The following AKAP6 variants were observed in gnomAD, a reference collection of about 807,000 sequenced individuals.
AKAP6 encodes A-kinase anchoring protein 6, also known as A-kinase anchor protein 6.
AKAP6 carries 58 observed loss-of-function variants against 188.5 expected under a neutral mutation model. That is an observed-to-expected ratio of 0.31 (90% CI 0.25 to 0.38). The LOEUF is 0.38. Among genes scored for constraint, AKAP6 ranks in the 10% least tolerant of loss-of-function variants. AKAP6 has a pLI of 1.00. For missense variants in AKAP6, 2,710 were observed against 2,740.0 expected, an observed-to-expected ratio of 0.99 and a Z score of 0.24; for synonymous variants, 989 against 998.6, an observed-to-expected ratio of 0.99 and a Z score of 0.18.
At chr14:32,632,422 T>C (rs750366716) in intron 7 of AKAP6, among the ~76,000 whole-genome samples, 1 of 152,092 alleles carries the variant, frequency 6.6e-6, no homozygotes, top group Non-Finnish European at 1.5e-5. Context: ...TTTTGTGTCA[T>C]GGGAGAACTT....
intron 2 of AKAP6, among the ~76,000 whole-genome samples, chr14:32,451,303 TC>T (rs1168186969): frequency 6.6e-6 from 1 of 152,190 alleles, no homozygotes; most frequent in African/African-American, 2.4e-5. Context: ...TAATTTATTA[TC>T]CTTTTTTAAA....
In AKAP6 at chr14:32,615,433, C is replaced by G. The variant is rs185669698; in HGVS notation, c.2730+14641C>G. On this transcript the variant is annotated intron_variant, in intron 7 of 13. Coordinates refer to ENST00000280979, the MANE Select transcript of AKAP6 (RefSeq NM_004274.5). ...CTTCTTTTTTTTTTTTAACCTTCCT[C>G]TAGTTGGAGCTGAAATTTTCTGTTA... 4.7e-3 allele frequency among the ~76,000 whole-genome samples: 705 copies of G among 149,474 alleles called. 12 individuals carry two copies. Among genetic ancestry groups the G allele is most frequent in the Admixed American group, 0.041 (617 of 14,950 alleles).
intron 2 of AKAP6, among the ~76,000 whole-genome samples, chr14:32,486,530 A>G (rs533545112): frequency 3.0e-4 from 46 of 152,280 alleles, no homozygotes; most frequent in African/African-American, 1.1e-3. Context: ...GAGATCCTTC[A>G]CATCCCTTGT....
Position 32,547,019 on chromosome 14 carries a change from A to C in AKAP6, c.2346+20A>C. The C allele has an allele frequency of 3.2e-6, 5 of 1,567,362 alleles. No individual in the cohort carries two copies. The highest frequency in any genetic ancestry group is 4.3e-6 in the Non-Finnish European group (5 of 1,164,802). On this transcript the variant is annotated intron_variant, in intron 4 of 13. Transcript: ENST00000280979. Reference sequence around the variant, plus strand: ...ATAGAGGTAAGGTGGTTTTCTTAACATGAATGATTTCTCACTTGAGTTTTG... The same window carrying C: ...ATAGAGGTAAGGTGGTTTTCTTAACCTGAATGATTTCTCACTTGAGTTTTG...
At chr14:32,776,134 G>T (rs2033053537) in intron 12 of AKAP6, among the ~76,000 whole-genome samples, 1 of 152,198 alleles carries the variant, frequency 6.6e-6, no homozygotes, top group Non-Finnish European at 1.5e-5. Flanking sequence ...GTTATCATAT[G>T]TCCCCACTCC....
chr14:32,442,056 G>A (rs539730526), intron 2 of AKAP6, among the ~76,000 whole-genome samples: 4 of 152,286 alleles, frequency 2.6e-5, no homozygotes, highest in Non-Finnish European at 4.4e-5. Flanking sequence ...CCAGAGGTAG[G>A]ATATGAGTTA....
chr14:32,741,541 C>T lies in AKAP6; in HGVS notation c.3372+5659C>T, dbSNP rs372357697. 1.1e-4 allele frequency among the ~76,000 whole-genome samples: 17 copies of T among 151,856 alleles called. No individual in the cohort carries two copies. In the South Asian group the frequency reaches 3.5e-3, roughly 32 times the overall value. On this transcript the variant is annotated intron_variant, in intron 11 of 13. Coordinates refer to ENST00000280979, the MANE Select transcript of AKAP6 (RefSeq NM_004274.5). The stretch of plus-strand genomic sequence containing the variant: ...TATGTTGAGATATGTTCCATCCATC[C>T]CCATTTTTTTTTTAGGATTTTTACC...
intron 2 of AKAP6, among the ~76,000 whole-genome samples, chr14:32,515,854 GC>G (rs1881495142): frequency 6.6e-6 from 1 of 152,174 alleles, no homozygotes; most frequent in Admixed American, 6.5e-5. Flanking sequence ...ACTCTGTGAA[GC>G]AAAATAGACA....
chr14:32,800,918 G>A (rs1159429142), intron 12 of AKAP6, among the ~76,000 whole-genome samples: 1 of 152,162 alleles, frequency 6.6e-6, no homozygotes, highest in Non-Finnish European at 1.5e-5. Flanking sequence ...TCAAGAGACA[G>A]AGGTGAGAGG....
chr14:32,691,564 A>G (rs1378929946), intron 8 of AKAP6, among the ~76,000 whole-genome samples: 1 of 151,916 alleles, frequency 6.6e-6, no homozygotes, highest in Admixed American at 6.6e-5. Flanking sequence ...CTGATTTGCC[A>G]CTGTTTTTTT....
chr14:32,774,249 T>C (rs1023723107), intron 12 of AKAP6, among the ~76,000 whole-genome samples: 4 of 152,220 alleles, frequency 2.6e-5, no homozygotes, highest in Non-Finnish European at 5.9e-5. Flanking sequence ...TCATTAATCA[T>C]ACAATAACCC....
chr14:32,349,226 G>C (rs1887176868), intron 1 of AKAP6, among the ~76,000 whole-genome samples: 1 of 152,188 alleles, frequency 6.6e-6, no homozygotes. Flanking sequence ...ATTCAAAACT[G>C]AACTCTGTAG....
At position 32,696,012 on chromosome 14, in the gene AKAP6, T is replaced by C. The variant is rs1272595833; in HGVS notation, c.2902T>C (p.Tyr968His). The change falls in exon 9 of 14, where the codon TAT (tyrosine) becomes CAT (histidine). Residue 968 changes from tyrosine (Y) to histidine (H), a missense_variant. Transcript: ENST00000280979. ...SNGLLDFDSE[Y>H]QELWDWLIDM... Reference sequence around the variant, plus strand: ...CAGGCTTCTGGACTTTGATTCAGAATATCAGGAGCTCTGGGATTGGCTGAT... The same window carrying C: ...CAGGCTTCTGGACTTTGATTCAGAACATCAGGAGCTCTGGGATTGGCTGAT... 5 of 1,613,350 alleles carry C rather than the reference T, an allele frequency of 3.1e-6. No homozygotes were observed. The highest frequency in any genetic ancestry group is 4.2e-6 in the Non-Finnish European group (5 of 1,179,750).
At chr14:32,603,753 A>G (rs890604845) in intron 7 of AKAP6, among the ~76,000 whole-genome samples, 15 of 152,212 alleles carry the variant, frequency 9.9e-5, no homozygotes, top group African/African-American at 3.6e-4. Flanking sequence ...TGATTAAATT[A>G]TGCTAAATTT....
intron 7 of AKAP6, among the ~76,000 whole-genome samples, chr14:32,614,015 C>A (rs1886457134): frequency 6.6e-6 from 1 of 152,090 alleles, no homozygotes; most frequent in African/African-American, 2.4e-5. Flanking sequence ...CTAGTGAGAA[C>A]TTTTTAACTA....
rs1247508397 is a variant in AKAP6 at position 32,759,046 on chromosome 14, C to A, written c.3373-14632C>A. 2.6e-5 allele frequency among the ~76,000 whole-genome samples: 4 copies of A among 152,206 alleles called. No homozygotes were observed. In the East Asian group the frequency reaches 7.8e-4, roughly 30 times the overall value. The stretch of plus-strand genomic sequence containing the variant: ...CTTTACAGACATTAGCTCATTAATC[C>A]TCCCAAAACCTCTCAGAGAGGGCGG... On this transcript the variant is annotated intron_variant, in intron 11 of 13. Transcript: ENST00000280979.
intron 4 of AKAP6, among the ~76,000 whole-genome samples, chr14:32,570,248 A>C (rs1884417607): frequency 6.8e-6 from 1 of 146,918 alleles, no homozygotes; most frequent in African/African-American, 2.5e-5. Context: ...CTCGTGCCTC[A>C]GCCTCCTAAG....
At chr14:32,685,086 C>G (rs112093551) in intron 8 of AKAP6, among the ~76,000 whole-genome samples, 3 of 98,290 alleles carry the variant, frequency 3.1e-5, no homozygotes, top group Non-Finnish European at 5.6e-5. Flanking sequence ...TAAGACCCCC[C>G]CCTACCAAAC....
Position 32,546,181 on chromosome 14 carries a change from A to G in AKAP6, c.1528A>G (p.Thr510Ala), listed in dbSNP as rs1366281048. Reference protein sequence around the residue: ...KTSEEVPPCRTPKRGTGSGKQ... With the variant: ...KTSEEVPPCRAPKRGTGSGKQ... ...CTCAGAAGAGGTGCCTCCATGCCGA[A>G]CACCTAAACGGGGGACTGGTTCAGG... Residue 510 changes from threonine (T) to alanine (A), a missense_variant, in exon 4 of 14, where the codon ACA becomes GCA. Physicochemically the swap from Thr to Ala is moderately conservative, Grantham distance 58. This residue lies in a region of AKAP6 where 2,473 missense variants were observed against 2,426.1 expected (regional missense o/e 1.02). Coordinates refer to ENST00000280979, the MANE Select transcript of AKAP6 (RefSeq NM_004274.5). 1.2e-6 allele frequency: 2 copies of G among 1,614,098 alleles called. No homozygotes were observed. The highest frequency in any genetic ancestry group is 3.3e-5 in the Admixed American group (2 of 59,998).
Sources: allele counts gnomAD v4.1 joint callset (sites outside exome capture counted in the v4.1 genomes callset), GRCh38; gene constraint gnomAD v4.1.1; regional missense constraint gnomAD v4.1.1; transcripts MANE v1.5; gene names NCBI Gene and HGNC (gene_info 2026-07-23, HGNC 2026-07-21).